Variants in SLC32A1 observed in about 807,000 individuals in gnomAD.
SLC32A1 encodes the protein vesicular inhibitory amino acid transporter.
Under a neutral mutation model 35.5 loss-of-function variants are expected in SLC32A1, and 8 were observed. The ratio of observed to expected loss-of-function variants is 0.23; its 90% CI spans 0.13 to 0.41. The LOEUF (loss-of-function observed/expected upper bound fraction) is 0.41, where lower values mean the gene tolerates loss of function less well. Ranked by LOEUF, SLC32A1 falls within the 10% of genes least tolerant of loss-of-function variation. The pLI is 1.00. For missense variants in SLC32A1, 493 were observed against 722.3 expected, an observed-to-expected ratio of 0.68 and a Z score of 3.64; for synonymous variants, 317 against 326.3, an observed-to-expected ratio of 0.97 and a Z score of 0.31.
chr20:38,728,132 C>A lies in SLC32A1; in HGVS notation c.1071C>A (p.Val357=). 3 of 1,614,128 alleles carry A rather than the reference C, an allele frequency of 1.9e-6. No individual in the cohort carries two copies. Among genetic ancestry groups the A allele is most frequent in the Non-Finnish European group, 2.5e-6 (3 of 1,180,040 alleles). The change falls in exon 2 of 2, where the codon GTC becomes GTA. Residue 357 remains valine, a synonymous_variant. Transcript: ENST00000217420. ...TGCTCAAGGGCCTCTTCGCGCTCGT[C>A]GCCTACCTCACCTGGGCCGACGAGA... ...ACVLKGLFAL[V]AYLTWADETK...
At position 38,728,207 on chromosome 20, in the gene SLC32A1, C is replaced by A; in HGVS notation, c.1146C>A (p.Val382=). 1 of 1,614,224 alleles carries A rather than the reference C, an allele frequency of 6.2e-7. No individual in the cohort carries two copies. ...TGCCCGGCTCCATCCGCGCCGTGGT[C>A]AACATCTTTCTGGTGGCCAAGGCGC... The part of the protein sequence containing the change: ...DNLPGSIRAV[V]NIFLVAKALL... The change falls in exon 2 of 2, where the codon GTC becomes GTA. Residue 382 remains valine, a synonymous_variant. Coordinates refer to ENST00000217420, the MANE Select transcript of SLC32A1 (RefSeq NM_080552.3).
At chr20:38,725,712 A>C (rs1263542916) in intron 1 of SLC32A1, among the ~76,000 whole-genome samples, 1 of 152,320 alleles carries the variant, frequency 6.6e-6, no homozygotes, top group Non-Finnish European at 1.5e-5. Flanking sequence ...CTCCACAAAC[A>C]AAAGCATATA....
At position 38,725,131 on chromosome 20, in the gene SLC32A1, C is replaced by G; in HGVS notation, c.390+17C>G. ...GCCATCCAGGTAAGCGCGGGATTCCCAGTTCTGCCTGTCCTCCCCCCTCCC... is the reference window on the plus strand; with the variant it reads ...GCCATCCAGGTAAGCGCGGGATTCCGAGTTCTGCCTGTCCTCCCCCCTCCC... On this transcript the variant is annotated intron_variant, in intron 1 of 1. Coordinates refer to ENST00000217420, the MANE Select transcript of SLC32A1 (RefSeq NM_080552.3). The G allele has an allele frequency of 6.0e-6, 9 of 1,507,162 alleles. No homozygotes were observed. The highest frequency in any genetic ancestry group is 7.1e-6 in the Non-Finnish European group (8 of 1,128,924). 93.4% of individuals were successfully genotyped at this position (1,507,162 alleles called of 1,614,324 possible).
At position 38,724,612 on chromosome 20, in the gene SLC32A1, G is replaced by A; in HGVS notation, c.-113G>A. Reference sequence around the variant, plus strand: ...ATGAGCCAGAGAGCCCCGGGGCGCCGCGCGGAGAGCAAGCGGAGATAGCGA... The same window carrying A: ...ATGAGCCAGAGAGCCCCGGGGCGCCACGCGGAGAGCAAGCGGAGATAGCGA... On this transcript the variant is annotated 5_prime_UTR_variant, in exon 1 of 2. Coordinates refer to ENST00000217420, the MANE Select transcript of SLC32A1 (RefSeq NM_080552.3). The A allele has an allele frequency of 7.4e-7, 1 of 1,347,946 alleles. No individual in the cohort carries two copies. The highest frequency in any genetic ancestry group is 9.9e-7 in the Non-Finnish European group (1 of 1,009,806). The allele number at this position is 1,347,946 out of a possible 1,614,324, so 83.5% of individuals were successfully genotyped here. A position where few individuals can be genotyped will look rare whatever the true frequency, so the allele number is the denominator to read the frequency against.
rs930234031 is a variant in SLC32A1, at chr20:38,728,234, G to A, written c.1173G>A (p.Leu391=). 50 of 1,614,100 alleles carry A rather than the reference G, an allele frequency of 3.1e-5. No homozygotes were observed. The highest frequency in any genetic ancestry group is 3.9e-5 in the Non-Finnish European group (46 of 1,180,056). Residue 391 remains leucine, a synonymous_variant, in exon 2 of 2, where the codon CTG becomes CTA. Transcript: ENST00000217420. The part of the protein sequence containing the change: ...VVNIFLVAKA[L]LSYPLPFFAA... Reference sequence around the variant, plus strand: ...ACATCTTTCTGGTGGCCAAGGCGCTGTTGTCCTATCCTCTGCCATTCTTTG... The same window carrying A: ...ACATCTTTCTGGTGGCCAAGGCGCTATTGTCCTATCCTCTGCCATTCTTTG...
In SLC32A1 at chr20:38,727,652, C is replaced by T; in HGVS notation, c.591C>T (p.Arg197=). The T allele has an allele frequency of 6.2e-7, 1 of 1,614,142 alleles. No individual in the cohort carries two copies. Among genetic ancestry groups the T allele is most frequent in the South Asian group, 1.1e-5 (1 of 91,084 alleles). The change falls in exon 2 of 2, where the codon CGC becomes CGT. Residue 197 remains arginine (R), a synonymous_variant. Coordinates refer to ENST00000217420, the MANE Select transcript of SLC32A1 (RefSeq NM_080552.3). The part of the protein sequence containing the change: ...VAIANACCAP[R]FPTLGGRVVN... Reference sequence around the variant, plus strand: ...TAGCCAACGCCTGCTGCGCCCCGCGCTTCCCAACGCTGGGCGGCCGAGTGG... The same window carrying T: ...TAGCCAACGCCTGCTGCGCCCCGCGTTTCCCAACGCTGGGCGGCCGAGTGG...
At position 38,728,747 on chromosome 20, in the gene SLC32A1, T is replaced by A; in HGVS notation, c.*108T>A. The A allele has an allele frequency of 5.2e-6, 3 of 578,712 alleles. No individual in the cohort carries two copies. Among genetic ancestry groups the A allele is most frequent in the Non-Finnish European group, 7.8e-6 (3 of 382,900 alleles). The allele number at this position is 578,712 out of a possible 1,614,324, so 35.8% of individuals were successfully genotyped here. ...CCGCCGCGCTTGGGAGGCCAAGCTT[T>A]AAACATCTCTGGTTCCTAGTTTCTG... On this transcript the variant is annotated 3_prime_UTR_variant, in exon 2 of 2. Coordinates refer to ENST00000217420, the MANE Select transcript of SLC32A1 (RefSeq NM_080552.3).
At chr20:38,725,922 C>G (rs1245052851) in intron 1 of SLC32A1, among the ~76,000 whole-genome samples, 1 of 152,216 alleles carries the variant, frequency 6.6e-6, no homozygotes, top group East Asian at 1.9e-4. Flanking sequence ...TGCACAGACT[C>G]GCCCCTCTCG....
Position 38,726,273 on chromosome 20 carries a change from G to A in SLC32A1, c.390+1159G>A, listed in dbSNP as rs2084275716. 6.6e-6 allele frequency among the ~76,000 whole-genome samples: 1 copy of A among 152,200 alleles called. No homozygotes were observed. Among genetic ancestry groups the A allele is most frequent in the Non-Finnish European group, 1.5e-5 (1 of 68,042 alleles). ...GAAGGCAGGTTTTCTGGGAGCAGAG[G>A]CCTCCCAGGGGTTGTTCCATGTATC... is the stretch of plus-strand genomic sequence containing the variant. On this transcript the variant is annotated intron_variant, in intron 1 of 1. Transcript: ENST00000217420. The surrounding 1 kb of genome is among the most constrained non-coding windows in gnomAD (Gnocchi z 4.7).
chr20:38,728,840 GT>G lies in SLC32A1; in HGVS notation c.*202del. 1 of 580,044 alleles carries G rather than the reference GT, an allele frequency of 1.7e-6. No homozygotes were observed. The highest frequency in any genetic ancestry group is 3.0e-6 in the Non-Finnish European group (1 of 336,588). The allele number at this position is 580,044 out of a possible 1,614,324, so 35.9% of individuals were successfully genotyped here. A position where few individuals can be genotyped will look rare whatever the true frequency, so the allele number is the denominator to read the frequency against. Reference sequence around the variant, plus strand: ...GATCCATCGCGTCTGCGTTTCTGTTGTCCTTTCTTTTCCACAACACCCTGGT... The same window carrying G: ...GATCCATCGCGTCTGCGTTTCTGTTGCCTTTCTTTTCCACAACACCCTGGT... On this transcript the variant is annotated 3_prime_UTR_variant, in exon 2 of 2. Coordinates refer to ENST00000217420, the MANE Select transcript of SLC32A1 (RefSeq NM_080552.3).
In SLC32A1 at chr20:38,728,375, G is replaced by C; in HGVS notation, c.1314G>C (p.Ala438=). The change falls in exon 2 of 2, where the codon GCG becomes GCC. Residue 438 remains alanine, a synonymous_variant. Transcript: ENST00000217420. ...LKSWGLTLRC[A]LVVFTLLMAI... is the part of the protein sequence containing the mutation. The stretch of plus-strand genomic sequence containing the variant: ...CCTGGGGGCTGACGCTGCGCTGCGC[G>C]CTCGTCGTCTTCACGCTGCTCATGG... 1 of 1,611,184 alleles carries C rather than the reference G, an allele frequency of 6.2e-7. No homozygotes were observed. Among genetic ancestry groups the C allele is most frequent in the Non-Finnish European group, 8.5e-7 (1 of 1,179,006 alleles).
chr20:38,725,148 C>G (rs1269497113), intron 1 of SLC32A1, 34 bp downstream of exon 1: 8 of 1,502,992 alleles, frequency 5.3e-6, no homozygotes, highest in Non-Finnish European at 7.1e-6. Flanking sequence ...GCCTGTCCTC[C>G]CCCCTCCCAG....
rs1246525623 is a variant in SLC32A1, at chr20:38,728,783, G to T, written c.*144G>T. ...GGTTCCTAGTTTCTGATTATTCGGG[G>T]ATGGGGGGGATGGGAGGGGACAGGG... is the stretch of plus-strand genomic sequence containing the variant. On this transcript the variant is annotated 3_prime_UTR_variant, in exon 2 of 2. Coordinates refer to ENST00000217420, the MANE Select transcript of SLC32A1 (RefSeq NM_080552.3). 2.7e-5 allele frequency: 10 copies of T among 368,594 alleles called. No homozygotes were observed. The highest frequency in any genetic ancestry group is 1.4e-4 in the East Asian group (2 of 14,688). 22.8% of individuals were successfully genotyped at this position (368,594 alleles called of 1,614,324 possible).
rs2084267704 is a variant in SLC32A1 at position 38,724,733 on chromosome 20, C to G, written c.9C>G (p.Thr3=). ...CTGTCCCCACCGCCGCCATGGCCAC[C>G]TTGCTCCGCAGCAAGCTGTCCAACG... MA[T]LLRSKLSNVA... The change falls in exon 1 of 2, where the codon ACC becomes ACG. Residue 3 remains threonine, a synonymous_variant. Transcript: ENST00000217420. 1 of 1,607,876 alleles carries G rather than the reference C, an allele frequency of 6.2e-7. No homozygotes were observed. Among genetic ancestry groups the G allele is most frequent in the African/African-American group, 1.3e-5 (1 of 74,810 alleles).
At chr20:38,725,149 C>G (rs1368247857) in intron 1 of SLC32A1, 35 bp downstream of exon 1, 8 of 1,502,660 alleles carry the variant, frequency 5.3e-6, no homozygotes, top group South Asian at 1.4e-5. Flanking sequence ...CCTGTCCTCC[C>G]CCCTCCCAGC....
Position 38,728,372 on chromosome 20 carries a change from C to A in SLC32A1, c.1311C>A (p.Cys437Ter). ...RLKSWGLTLR[C>*]ALVVFTLLMA... ...AGTCCTGGGGGCTGACGCTGCGCTG[C>A]GCGCTCGTCGTCTTCACGCTGCTCA... is the stretch of plus-strand genomic sequence containing the variant. The change falls in exon 2 of 2, where the codon TGC (cysteine) becomes TGA (stop). Residue 437 changes from cysteine to a stop codon, truncating the protein, a stop_gained. Transcript: ENST00000217420. LOFTEE classifies it high-confidence loss of function. 6.2e-7 allele frequency: 1 copy of A among 1,611,244 alleles called. No homozygotes were observed. The highest frequency in any genetic ancestry group is 8.5e-7 in the Non-Finnish European group (1 of 1,179,048).
intron 1 of SLC32A1, 111 bp from the exon 2 acceptor site, chr20:38,727,341 A>T: frequency 9.8e-7 from 1 of 1,022,754 alleles, no homozygotes; most frequent in Non-Finnish European, 1.4e-6. Context: ...CCCAATTCTC[A>T]GTGTCCTTAG....
Position 38,727,863 on chromosome 20 carries a change from C to G in SLC32A1, c.802C>G (p.Leu268Val). The part of the protein sequence containing the change: ...KNLKAVSKFS[L>V]LCTLAHFVIN... The stretch of plus-strand genomic sequence containing the variant: ...CCTCAAGGCCGTGTCCAAGTTCAGT[C>G]TGCTGTGCACTCTGGCCCACTTCGT... Residue 268 changes from leucine to valine, a missense_variant, in exon 2 of 2, where the codon CTG becomes GTG. Around this residue, in one of 4 missense-constraint regions of SLC32A1, gnomAD observed 269 missense variants for 445.6 expected, o/e 0.60. Coordinates refer to ENST00000217420, the MANE Select transcript of SLC32A1 (RefSeq NM_080552.3). 6.2e-7 allele frequency: 1 copy of G among 1,614,256 alleles called. No individual in the cohort carries two copies. Among genetic ancestry groups the G allele is most frequent in the Non-Finnish European group, 8.5e-7 (1 of 1,180,050 alleles).
At position 38,728,723 on chromosome 20, in the gene SLC32A1, C is replaced by A; in HGVS notation, c.*84C>A. The A allele has an allele frequency of 2.3e-6, 3 of 1,322,804 alleles. No individual in the cohort carries two copies. The highest frequency in any genetic ancestry group is 1.5e-5 in the South Asian group (1 of 67,850). 81.9% of individuals were successfully genotyped at this position (1,322,804 alleles called of 1,614,324 possible). On this transcript the variant is annotated 3_prime_UTR_variant, in exon 2 of 2. Transcript: ENST00000217420. ...CCCCCACCAGCCCAGTGCGCCCTGC[C>A]GCCGCGCTTGGGAGGCCAAGCTTTA...
Sources: allele counts gnomAD v4.1 joint callset (sites outside exome capture counted in the v4.1 genomes callset), GRCh38; gene constraint gnomAD v4.1.1; regional missense constraint gnomAD v4.1.1; non-coding constraint Gnocchi (gnomAD v3.1); transcripts MANE v1.5; gene names NCBI Gene and HGNC (gene_info 2026-07-23, HGNC 2026-07-21).